Variants in IGF2BP3 observed in about 807,000 individuals in gnomAD.
The protein encoded by IGF2BP3 is insulin-like growth factor 2 mRNA-binding protein 3.
Under a neutral mutation model 73.8 loss-of-function variants are expected in IGF2BP3, and 9 were observed. The ratio of observed to expected loss-of-function variants is 0.12; its 90% CI spans 0.07 to 0.21. IGF2BP3 has a LOEUF of 0.21. IGF2BP3 is among the 10% of genes least tolerant of loss of function. The probability of loss-of-function intolerance (pLI) is 1.00; values close to 1 mark genes in which losing one functional copy is unlikely to be tolerated. For synonymous variants in IGF2BP3, 258 were observed against 256.7 expected (o/e 1.01, Z -0.05); for missense variants, 542 against 714.0 (o/e 0.76, Z 2.75).
At chr7:23,350,058 G>C (rs1784922411) in intron 6 of IGF2BP3, among the ~76,000 whole-genome samples, 1 of 152,174 alleles carries the variant, frequency 6.6e-6, no homozygotes, top group African/African-American at 2.4e-5. Context: ...TCAAAGCAGG[G>C]GAAGGCAGGA....
At chr7:23,452,839 C>T (rs1584061064) in intron 2 of IGF2BP3, among the ~76,000 whole-genome samples, 2 of 148,786 alleles carry the variant, frequency 1.3e-5, no homozygotes, top group Admixed American at 6.8e-5. Flanking sequence ...CAGGGCTGGG[C>T]GCAGTGGCTC....
intron 2 of IGF2BP3, among the ~76,000 whole-genome samples, chr7:23,429,650 CATATGGCGACTCA>C (rs1455796441): frequency 2.0e-5 from 3 of 152,170 alleles, no homozygotes; most frequent in Non-Finnish European, 4.4e-5. Context: ...CAATAACTTA[CATATGGCGACTCA>C]ATATTGAAAT....
intron 2 of IGF2BP3, among the ~76,000 whole-genome samples, chr7:23,435,921 C>T (rs1748952521): frequency 6.6e-6 from 1 of 151,822 alleles, no homozygotes; most frequent in Non-Finnish European, 1.5e-5. Context: ...CCATGCCTGG[C>T]TAATACTGTA....
At chr7:23,317,848 G>A in intron 11 of IGF2BP3, 135 bp from the exon 12 acceptor site, 1 of 700,794 alleles carries the variant, frequency 1.4e-6, no homozygotes, top group South Asian at 1.6e-5. Flanking sequence ...TTAGGGAGAG[G>A]CAGCAATTCC....
intron 10 of IGF2BP3, among the ~76,000 whole-genome samples, chr7:23,325,535 C>G (rs1040004506): frequency 6.6e-6 from 1 of 152,172 alleles, no homozygotes; most frequent in Non-Finnish European, 1.5e-5. Context: ...CCTCATCAAG[C>G]TACCAATGAC....
chr7:23,321,407 G>C (rs988101152), intron 10 of IGF2BP3, among the ~76,000 whole-genome samples: 10 of 152,216 alleles, frequency 6.6e-5, no homozygotes, highest in African/African-American at 2.4e-4. Flanking sequence ...TCCCGCACCT[G>C]GCTCGGAGGG....
chr7:23,320,744 T>C lies in IGF2BP3; in HGVS notation c.1204-1490A>G, dbSNP rs55844051. 2.6e-3 allele frequency among the ~76,000 whole-genome samples: 389 copies of C among 150,698 alleles called. 1 individual carries two copies. The highest frequency in any genetic ancestry group is 4.4e-3 in the Non-Finnish European group (295 of 67,766). ...GGGTGGACTGCTTGAGCCCAGGAGT[T>C]TGAGACCAGCCTGGGCAACATGGCA... is the stretch of plus-strand genomic sequence containing the variant. On this transcript the variant is annotated intron_variant, in intron 10 of 14. Transcript: ENST00000258729.
chr7:23,430,116 C>A (rs1787631131), intron 2 of IGF2BP3, among the ~76,000 whole-genome samples: 1 of 146,268 alleles, frequency 6.8e-6, no homozygotes, highest in South Asian at 2.1e-4. Context: ...GATGGAATCT[C>A]GCTGTCACCC....
At chr7:23,330,160 C>A (rs1784407303) in intron 10 of IGF2BP3, among the ~76,000 whole-genome samples, 1 of 151,960 alleles carries the variant, frequency 6.6e-6, no homozygotes, top group Non-Finnish European at 1.5e-5. Context: ...GTGGCAGGCA[C>A]CTGTAATCCC....
intron 3 of IGF2BP3, among the ~76,000 whole-genome samples, chr7:23,377,756 AATT>A (rs1277500427): frequency 2.0e-5 from 3 of 152,200 alleles, no homozygotes; most frequent in Non-Finnish European, 2.9e-5. Flanking sequence ...TTCACACAAT[AATT>A]ATTACCCAGC....
chr7:23,353,161 A>C (rs1433756935), intron 5 of IGF2BP3, among the ~76,000 whole-genome samples: 1 of 152,118 alleles, frequency 6.6e-6, no homozygotes, highest in Non-Finnish European at 1.5e-5. Flanking sequence ...CCCTGAGTTC[A>C]CCCCAGGTGG....
intron 2 of IGF2BP3, among the ~76,000 whole-genome samples, chr7:23,453,123 G>A (rs560645122): frequency 6.8e-4 from 104 of 152,260 alleles, no homozygotes; most frequent in African/African-American, 2.3e-3. Context: ...GCGAGACTCC[G>A]TCTCAAACAA....
chr7:23,312,080 C>T lies in IGF2BP3; in HGVS notation c.*282G>A. 1 of 395,516 alleles carries T rather than the reference C, an allele frequency of 2.5e-6. No homozygotes were observed. Among genetic ancestry groups the T allele is most frequent in the Non-Finnish European group, 4.5e-6 (1 of 220,880 alleles). The allele number at this position is 395,516 out of a possible 1,614,324, so 24.5% of individuals were successfully genotyped here. On this transcript the variant is annotated 3_prime_UTR_variant, in exon 15 of 15. Transcript: ENST00000258729. ...GAATATCTGTTATACTGTGAGACTA[C>T]AACAAAGGGAAGTGCAGAGCTCTTC...
At chr7:23,465,216 C>A (rs1008755873) in intron 2 of IGF2BP3, among the ~76,000 whole-genome samples, 4 of 152,236 alleles carry the variant, frequency 2.6e-5, no homozygotes, top group African/African-American at 4.8e-5. Flanking sequence ...ATTTTCCACA[C>A]CTACCCTTAC....
chr7:23,372,256 G>T (rs1465049397), intron 3 of IGF2BP3, among the ~76,000 whole-genome samples: 1 of 152,024 alleles, frequency 6.6e-6, no homozygotes, highest in Non-Finnish European at 1.5e-5. Context: ...TGTATTTTTA[G>T]TAGAGATGGG....
chr7:23,368,363 G>A (rs1005143785), intron 3 of IGF2BP3, among the ~76,000 whole-genome samples: 5 of 150,938 alleles, frequency 3.3e-5, no homozygotes, highest in Non-Finnish European at 7.4e-5. Context: ...AAGAAAGAAA[G>A]AAAGAAAGAA....
chr7:23,338,506 C>G (rs548105622), intron 10 of IGF2BP3, among the ~76,000 whole-genome samples: 18 of 152,218 alleles, frequency 1.2e-4, no homozygotes, highest in African/African-American at 3.9e-4. Flanking sequence ...AGAACAGTTC[C>G]TGACAATAAA....
intron 3 of IGF2BP3, among the ~76,000 whole-genome samples, chr7:23,387,860 A>G (rs950793108): frequency 6.6e-6 from 1 of 152,218 alleles, no homozygotes; most frequent in Non-Finnish European, 1.5e-5. Flanking sequence ...CTAATATTAA[A>G]CCACCAAGTG....
At chr7:23,355,224 T>A (rs1562695376) in intron 5 of IGF2BP3, among the ~76,000 whole-genome samples, 2 of 127,918 alleles carry the variant, frequency 1.6e-5, no homozygotes, top group African/African-American at 8.1e-5. Context: ...TTTTTATTTT[T>A]ATTTTTTTTT....
Sources: allele counts gnomAD v4.1 joint callset (sites outside exome capture counted in the v4.1 genomes callset), GRCh38; gene constraint gnomAD v4.1.1; transcripts MANE v1.5; gene names NCBI Gene and HGNC (gene_info 2026-07-23, HGNC 2026-07-21).